MMP16: variants seen among roughly 807,000 people sequenced by gnomAD.
The protein encoded by MMP16 is matrix metalloproteinase-16.
In MMP16, 12 loss-of-function variants were observed where a neutral mutation model predicts 67.8. The ratio of observed to expected loss-of-function variants is 0.18; its 90% confidence interval spans 0.11 to 0.29. The LOEUF is 0.29. Ranked by LOEUF, MMP16 falls within the 10% of genes least tolerant of loss-of-function variation. MMP16 has a pLI of 1.00. For synonymous variants in MMP16, 249 were observed against 255.9 expected, an observed-to-expected ratio of 0.97 and a Z score of 0.26; for missense variants, 475 against 765.7, an observed-to-expected ratio of 0.62 and a Z score of 4.48.
At chr8:88,303,042 C>A (rs1431810087) in intron 1 of MMP16, among the ~76,000 whole-genome samples, 1 of 152,182 alleles carries the variant, frequency 6.6e-6, no homozygotes, top group Non-Finnish European at 1.5e-5. Context: ...GCCCACGCCA[C>A]CAGGGCCTTG....
Position 88,041,927 on chromosome 8 carries a change from C to T in MMP16, c.1490-132G>A. Reference sequence around the variant, plus strand: ...CCCTTTAATTTTCATAGGAAGAAAACACTATTTTCAGCTCAGCTGTCTGTT... The same window carrying T: ...CCCTTTAATTTTCATAGGAAGAAAATACTATTTTCAGCTCAGCTGTCTGTT... On this transcript the variant is annotated intron_variant, in intron 9 of 9. Transcript: ENST00000286614. The surrounding 1 kb of genome is among the most constrained non-coding windows in gnomAD (Gnocchi z 6.0). The T allele has an allele frequency of 1.4e-6, 1 of 695,980 alleles. No individual in the cohort carries two copies. The highest frequency in any genetic ancestry group is 2.4e-6 in the Non-Finnish European group (1 of 424,082). The allele number at this position is 695,980 out of a possible 1,614,324, so 43.1% of individuals were successfully genotyped here.
chr8:88,160,218 G>A (rs1362565798), intron 4 of MMP16, among the ~76,000 whole-genome samples: 6 of 151,850 alleles, frequency 4.0e-5, no homozygotes, highest in South Asian at 4.2e-4. Flanking sequence ...GAGAACATGC[G>A]GTGTTTGGTT....
chr8:88,226,534 T>C (rs1354709008), intron 1 of MMP16, among the ~76,000 whole-genome samples: 2 of 152,122 alleles, frequency 1.3e-5, no homozygotes, highest in Admixed American at 1.3e-4. Context: ...ACATGGGTTG[T>C]TCAGTCAAGA....
At chr8:88,136,605 C>T (rs1275438531) in intron 4 of MMP16, among the ~76,000 whole-genome samples, 1 of 150,956 alleles carries the variant, frequency 6.6e-6, no homozygotes, top group Non-Finnish European at 1.5e-5. Context: ...TTTTGAACTT[C>T]ATATTAAATA....
chr8:88,118,522 A>G (rs1267464063), intron 5 of MMP16, among the ~76,000 whole-genome samples, 178 bp downstream of exon 5: 1 of 152,124 alleles, frequency 6.6e-6, no homozygotes, highest in Admixed American at 6.6e-5. Flanking sequence ...ACATTAAGAT[A>G]CCTGGGACCT....
intron 1 of MMP16, among the ~76,000 whole-genome samples, chr8:88,281,262 T>C (rs1810731004): frequency 6.6e-6 from 1 of 152,228 alleles, no homozygotes; most frequent in Non-Finnish European, 1.5e-5. Flanking sequence ...TTAGGGCTCA[T>C]CTTAAATTCA....
At chr8:88,207,312 A>T (rs1444128668) in intron 1 of MMP16, among the ~76,000 whole-genome samples, 1 of 152,216 alleles carries the variant, frequency 6.6e-6, no homozygotes, top group Non-Finnish European at 1.5e-5. Flanking sequence ...TACTACTGTG[A>T]TAATATCATA....
chr8:88,161,954 T>C (rs190454732), intron 4 of MMP16, among the ~76,000 whole-genome samples: 1 of 152,252 alleles, frequency 6.6e-6, no homozygotes, highest in African/African-American at 2.4e-5. Flanking sequence ...TTACATTTGC[T>C]GATGAGTGCT....
Position 88,058,206 on chromosome 8 carries a change from G to A in MMP16, c.1223-1928C>T, listed in dbSNP as rs1808355191. On this transcript the variant is annotated intron_variant, in intron 7 of 9. Transcript: ENST00000286614. This position sits in a 1 kb window ranked among gnomAD's most constrained non-coding sequence, Gnocchi z 4.2. ...CTTTGCAAATCAACATAATGAGTTGGAATCTTACTTAGAGTGTACTGGAGG... is the reference window on the plus strand; with the variant it reads ...CTTTGCAAATCAACATAATGAGTTGAAATCTTACTTAGAGTGTACTGGAGG... 6.6e-6 allele frequency among the ~76,000 whole-genome samples: 1 copy of A among 152,114 alleles called. No individual in the cohort carries two copies. Among genetic ancestry groups the A allele is most frequent in the Non-Finnish European group, 1.5e-5 (1 of 68,020 alleles).
chr8:88,089,342 G>T (rs759723411), intron 6 of MMP16, among the ~76,000 whole-genome samples: 1 of 152,020 alleles, frequency 6.6e-6, no homozygotes, highest in African/African-American at 2.4e-5. Context: ...TAAGGCTGAA[G>T]ATTATGGTGA....
intron 1 of MMP16, among the ~76,000 whole-genome samples, chr8:88,220,692 G>C (rs1041816686): frequency 6.6e-6 from 1 of 152,106 alleles, no homozygotes; most frequent in Non-Finnish European, 1.5e-5. Context: ...AAAGAAAAGT[G>C]TTATCAACAA....
At chr8:88,278,351 G>C (rs549050004) in intron 1 of MMP16, among the ~76,000 whole-genome samples, 1 of 152,236 alleles carries the variant, frequency 6.6e-6, no homozygotes, top group South Asian at 2.1e-4. Context: ...TGCTATACTG[G>C]CCACATTTGG....
intron 1 of MMP16, among the ~76,000 whole-genome samples, chr8:88,224,481 GATC>G (rs891748312): frequency 1.3e-5 from 2 of 151,890 alleles, no homozygotes; most frequent in African/African-American, 4.8e-5. Context: ...TATATAAAAT[GATC>G]ATCTATGCCA....
At chr8:88,166,997 C>T (rs1808725413) in intron 4 of MMP16, among the ~76,000 whole-genome samples, 1 of 151,810 alleles carries the variant, frequency 6.6e-6, no homozygotes, top group East Asian at 2.0e-4. Context: ...AGTGGATCAC[C>T]TCCTGAGAGT....
chr8:88,082,164 C>T (rs962817038), intron 6 of MMP16, among the ~76,000 whole-genome samples: 4 of 152,058 alleles, frequency 2.6e-5, no homozygotes, highest in East Asian at 1.9e-4. Flanking sequence ...CACGCACACA[C>T]AGACACACAC....
intron 3 of MMP16, among the ~76,000 whole-genome samples, chr8:88,185,329 C>CA (rs1809056999): frequency 6.6e-6 from 1 of 151,966 alleles, no homozygotes; most frequent in Non-Finnish European, 1.5e-5. Flanking sequence ...CATGGTGGTG[C>CA]ATGCCTGTAA....
chr8:88,060,265 G>A (rs947639095), intron 7 of MMP16, among the ~76,000 whole-genome samples: 10 of 152,130 alleles, frequency 6.6e-5, no homozygotes, highest in African/African-American at 2.4e-4. Context: ...GTACCATGCT[G>A]TCTTCCAGCC....
At chr8:88,276,413 A>C (rs909112989) in intron 1 of MMP16, among the ~76,000 whole-genome samples, 1 of 152,122 alleles carries the variant, frequency 6.6e-6, no homozygotes, top group African/African-American at 2.4e-5. Context: ...CAGTCTCTAC[A>C]GAAGCTTAAA....
At chr8:88,322,100 A>C (rs918764337) in intron 1 of MMP16, among the ~76,000 whole-genome samples, 1 of 152,174 alleles carries the variant, frequency 6.6e-6, no homozygotes, top group African/African-American at 2.4e-5. Flanking sequence ...GAGCTGGCTT[A>C]AGTTTCTTAT....
Sources: allele counts gnomAD v4.1 joint callset (sites outside exome capture counted in the v4.1 genomes callset), GRCh38; gene constraint gnomAD v4.1.1; non-coding constraint Gnocchi (gnomAD v3.1); transcripts MANE v1.5; gene names NCBI Gene and HGNC (gene_info 2026-07-23, HGNC 2026-07-21).